Variants in SUCLA2 observed in about 807,000 individuals in gnomAD.
SUCLA2 encodes succinate-CoA ligase ADP-forming subunit beta, also known as succinate--CoA ligase [ADP-forming] subunit beta, mitochondrial.
A neutral mutation model predicts 54.8 loss-of-function variants in SUCLA2; 30 were observed. That is an observed-to-expected ratio of 0.55 (90% CI 0.41 to 0.74). The LOEUF (loss-of-function observed/expected upper bound fraction) is 0.74. Ranked by LOEUF, SUCLA2 falls within the 30% of genes least tolerant of loss-of-function variation. The pLI is 0.00. For missense variants in SUCLA2, 476 were observed against 562.9 expected (o/e 0.85, Z 1.56); for synonymous variants, 172 against 188.9 (o/e 0.91, Z 0.74).
chr13:47,984,543 G>C (rs370569173), intron 4 of SUCLA2, among the ~76,000 whole-genome samples: 1 of 151,886 alleles, frequency 6.6e-6, no homozygotes, highest in East Asian at 1.9e-4. Flanking sequence ...TTCTCTTGTT[G>C]GTATTTTTTT....
At chr13:47,949,735 C>T (rs1949761751) in intron 8 of SUCLA2, 132 bp from the exon 9 acceptor site, 2 of 854,488 alleles carry the variant, frequency 2.3e-6, no homozygotes, top group Non-Finnish European at 3.8e-6. Context: ...ACCACAATAC[C>T]CTCTTCTAGC....
At chr13:47,946,780 T>G (rs1949735632) in intron 10 of SUCLA2, among the ~76,000 whole-genome samples, 1 of 152,078 alleles carries the variant, frequency 6.6e-6, no homozygotes, top group Non-Finnish European at 1.5e-5. Context: ...AACTGTCATA[T>G]CTGTACTAAG....
At chr13:47,961,840 G>T (rs927858077) in intron 6 of SUCLA2, among the ~76,000 whole-genome samples, 1 of 152,090 alleles carries the variant, frequency 6.6e-6, no homozygotes, top group African/African-American at 2.4e-5. Flanking sequence ...ATCCACAATT[G>T]ATATATTGCT....
chr13:47,977,379 C>G (rs748466640), intron 4 of SUCLA2, among the ~76,000 whole-genome samples: 1 of 152,124 alleles, frequency 6.6e-6, no homozygotes, highest in Non-Finnish European at 1.5e-5. Flanking sequence ...CAATCTTTCC[C>G]AAGCTCTTTT....
At chr13:47,985,133 G>A (rs1950091303) in intron 4 of SUCLA2, among the ~76,000 whole-genome samples, 1 of 152,200 alleles carries the variant, frequency 6.6e-6, no homozygotes, top group Non-Finnish European at 1.5e-5. Flanking sequence ...AGGTACTAAA[G>A]ACCAGTAGAA....
chr13:47,989,028 C>G (rs1158905150), intron 2 of SUCLA2, 47 bp from the exon 3 acceptor site: 1 of 1,542,374 alleles, frequency 6.5e-7, no homozygotes, highest in Non-Finnish European at 8.9e-7. Flanking sequence ...GAGCAGCATG[C>G]CAGACATAGT....
At position 47,951,009 on chromosome 13, in the gene SUCLA2, T is replaced by A. The variant is rs567135162; in HGVS notation, c.1108-1406A>T. 3.0e-4 allele frequency among the ~76,000 whole-genome samples: 46 copies of A among 152,156 alleles called. 1 individual carries two copies. The highest frequency in any genetic ancestry group is 1.1e-3 in the African/African-American group (46 of 41,522). On this transcript the variant is annotated intron_variant, in intron 8 of 10. Coordinates refer to ENST00000646932, the MANE Select transcript of SUCLA2 (RefSeq NM_003850.3). ...CTAGAACTCATAGCAGCCTTTGGCATCTCTCATCTCTCTCCCTCTCACCTC... is the reference window on the plus strand; with the variant it reads ...CTAGAACTCATAGCAGCCTTTGGCAACTCTCATCTCTCTCCCTCTCACCTC...
chr13:47,950,241 C>T (rs1171843992), intron 8 of SUCLA2, among the ~76,000 whole-genome samples: 2 of 152,184 alleles, frequency 1.3e-5, no homozygotes, highest in Admixed American at 1.3e-4. Context: ...ATGTGACCAG[C>T]TGTGCAAGTG....
chr13:47,949,676 T>C, intron 8 of SUCLA2, 73 bp from the exon 9 acceptor site: 5 of 1,436,342 alleles, frequency 3.5e-6, no homozygotes, highest in Admixed American at 1.7e-5. Flanking sequence ...AATACTAGTA[T>C]ATGTGCTTCA....
At chr13:47,989,213 CTTT>C (rs11445752) in intron 2 of SUCLA2, among the ~76,000 whole-genome samples, 5 of 143,686 alleles carry the variant, frequency 3.5e-5, no homozygotes, top group Admixed American at 1.4e-4. Context: ...TAAACCATTT[CTTT>C]TTTTTTTTTT....
chr13:47,993,482 C>T (rs775515780), intron 2 of SUCLA2, among the ~76,000 whole-genome samples: 3 of 152,136 alleles, frequency 2.0e-5, no homozygotes, highest in Non-Finnish European at 4.4e-5. Flanking sequence ...ACCATTCCTC[C>T]ATTCCTAACC....
chr13:47,972,199 G>A lies in SUCLA2; in HGVS notation c.663+1065C>T, dbSNP rs1295924998. ...GAACTCAGAAGGCAGAGGTTGGAGTGAGCCAAGGTGGCAACACTGCACTCC... is the reference window on the plus strand; with the variant it reads ...GAACTCAGAAGGCAGAGGTTGGAGTAAGCCAAGGTGGCAACACTGCACTCC... On this transcript the variant is annotated intron_variant, in intron 5 of 10. Coordinates refer to ENST00000646932, the MANE Select transcript of SUCLA2 (RefSeq NM_003850.3). The A allele has an allele frequency of 1.5e-4, 39 of 261,028 alleles. No individual in the cohort carries two copies. In the Admixed American group the frequency reaches 2.1e-3, roughly 14 times the overall value. The allele number at this position is 261,028 out of a possible 1,614,324, so 16.2% of individuals were successfully genotyped here.
intron 6 of SUCLA2, among the ~76,000 whole-genome samples, chr13:47,964,958 T>C (rs1949905868): frequency 7.0e-6 from 1 of 142,112 alleles, no homozygotes; most frequent in South Asian, 2.2e-4. Flanking sequence ...TAAATTATAA[T>C]TTTATTTATA....
chr13:47,971,632 T>C (rs1419258133), intron 5 of SUCLA2: 11 of 348,470 alleles, frequency 3.2e-5, no homozygotes, highest in Admixed American at 1.9e-4. Flanking sequence ...CAAAATTTTA[T>C]TGTGAACACA....
chr13:47,979,410 TTC>T (rs1431988853), intron 4 of SUCLA2, among the ~76,000 whole-genome samples: 2 of 152,098 alleles, frequency 1.3e-5, no homozygotes, highest in Non-Finnish European at 2.9e-5. Flanking sequence ...ACACCGCATG[TTC>T]TCATCATAAG....
intron 6 of SUCLA2, among the ~76,000 whole-genome samples, chr13:47,964,734 G>A (rs1949903685): frequency 6.6e-6 from 1 of 152,092 alleles, no homozygotes; most frequent in South Asian, 2.1e-4. Context: ...GCGGGCACCT[G>A]TAGTCCCAGC....
At chr13:47,976,515 G>T (rs1702961629) in intron 4 of SUCLA2, among the ~76,000 whole-genome samples, 1 of 152,154 alleles carries the variant, frequency 6.6e-6, no homozygotes, top group Non-Finnish European at 1.5e-5. Flanking sequence ...TATGGGTGCT[G>T]ATGGGGAACC....
At chr13:48,001,055 G>C (rs1326162760) in intron 1 of SUCLA2, 125 bp downstream of exon 1, 26 of 1,516,124 alleles carry the variant, frequency 1.7e-5, no homozygotes, top group Non-Finnish European at 2.2e-5. Flanking sequence ...TCGCCCGAGG[G>C]CCTTGCAGGG....
In SUCLA2 at chr13:47,968,741, C is replaced by A; in HGVS notation, c.664-8G>T. 1 of 1,612,058 alleles carries A rather than the reference C, an allele frequency of 6.2e-7. No homozygotes were observed. The highest frequency in any genetic ancestry group is 1.1e-5 in the South Asian group (1 of 90,918). On this transcript the variant is annotated splice_polypyrimidine_tract_variant and splice_region_variant and intron_variant, in intron 5 of 10. Transcript: ENST00000646932. ...TCCCATCTTCTGTGCAAGCTGAAATCAATATGTCTTTTTATTATAGGTAGT... is the reference window on the plus strand; with the variant it reads ...TCCCATCTTCTGTGCAAGCTGAAATAAATATGTCTTTTTATTATAGGTAGT...
Sources: gnomAD v4.1 joint callset for allele counts (sites outside exome capture counted in the v4.1 genomes callset) on GRCh38, gnomAD v4.1.1 for gene constraint, MANE v1.5 for transcripts, NCBI Gene and HGNC (gene_info 2026-07-23, HGNC 2026-07-21) for gene names.